PCDHA2: variants seen among roughly 807,000 people sequenced by gnomAD.
The protein encoded by PCDHA2 is protocadherin alpha 2.
In PCDHA2, 58 loss-of-function variants were observed where a neutral mutation model predicts 66.0. The observed-to-expected ratio is 0.88, with a 90% CI of 0.71 to 1.09. PCDHA2 has a LOEUF of 1.09. PCDHA2 is among the 50% of genes least tolerant of loss of function. PCDHA2 has a pLI of 0.00. For synonymous variants in PCDHA2, 634 were observed against 554.0 expected, an observed-to-expected ratio of 1.14 and a Z score of -2.03; for missense variants, 1,267 against 1,242.3, an observed-to-expected ratio of 1.02 and a Z score of -0.30.
chr5:140,856,499 T>A, intron 1 of PCDHA2: 1 of 1,598,458 alleles, frequency 6.3e-7, no homozygotes, highest in Non-Finnish European at 8.6e-7. Flanking sequence ...TGACTCTCGA[T>A]TTCCACTAGA....
intron 1 of PCDHA2, chr5:140,862,381 C>G (rs191367875): frequency 4.0e-5 from 14 of 346,954 alleles, no homozygotes; most frequent in Non-Finnish European, 7.4e-5. Flanking sequence ...TGACTCCTCA[C>G]GTCTCTTCAA....
At chr5:141,008,431 C>T (rs1192058423) in intron 3 of PCDHA2, among the ~76,000 whole-genome samples, 1 of 152,140 alleles carries the variant, frequency 6.6e-6, no homozygotes, top group Non-Finnish European at 1.5e-5. Flanking sequence ...GATCACTTTG[C>T]CCAGACAGAC....
At chr5:140,979,102 C>G in intron 2 of PCDHA2, 95 bp downstream of exon 2, 1 of 1,541,802 alleles carries the variant, frequency 6.5e-7, no homozygotes. Context: ...GCTGTCAAAA[C>G]TAAAAAGCTT....
chr5:140,795,054 G>T lies in PCDHA2; in HGVS notation c.90G>T (p.Gln30His). The T allele has an allele frequency of 6.2e-7, 1 of 1,613,894 alleles. No homozygotes were observed. Residue 30 changes from glutamine (Q) to histidine (H), a missense_variant, in exon 1 of 4, where the codon CAG becomes CAT. By Grantham distance (24) the Gln-to-His change is conservative (BLOSUM62 0). Transcript: ENST00000526136. ...CAGCCTGGGAGGTGGGGAGCGGCCA[G>T]CTCCGCTACTCCGTCCCCGAGGAGG... ...LLAAWEVGSG[Q>H]LRYSVPEEAK...
chr5:140,795,014 C>A lies in PCDHA2; in HGVS notation c.50C>A (p.Ser17Ter). 6.2e-7 allele frequency: 1 copy of A among 1,613,760 alleles called. No homozygotes were observed. ...CGAGGGGCCTGGACACGGCTGCTCT[C>A]GCTTCTGCTCCTCGCAGCCTGGGAG... ...RGRGAWTRLL[S>*]LLLLAAWEVG... is the part of the protein sequence containing the mutation. The change falls in exon 1 of 4, where the codon TCG (serine) becomes TAG (stop). Residue 17 changes from serine (S) to a stop codon, truncating the protein, a stop_gained. Transcript: ENST00000526136. LOFTEE classifies it high-confidence loss of function.
intron 1 of PCDHA2, among the ~76,000 whole-genome samples, chr5:140,955,964 A>G (rs148345661): frequency 5.3e-5 from 8 of 152,256 alleles, no homozygotes; most frequent in African/African-American, 1.7e-4. Flanking sequence ...TTGTTTGTGC[A>G]TAGGAATGCT....
intron 1 of PCDHA2, among the ~76,000 whole-genome samples, chr5:140,966,033 G>C (rs772770928): frequency 6.6e-6 from 1 of 152,138 alleles, no homozygotes; most frequent in African/African-American, 2.4e-5. Context: ...CAGGTGAATA[G>C]TTCCCATCGC....
intron 3 of PCDHA2, among the ~76,000 whole-genome samples, chr5:140,984,963 A>T (rs1390500469): frequency 1.3e-5 from 2 of 151,890 alleles, no homozygotes; most frequent in Non-Finnish European, 2.9e-5. Context: ...TTTGAGACAG[A>T]GTCTCGCTCT....
rs148067258 is a variant in PCDHA2 at position 140,850,948 on chromosome 5, G to A, written c.2388+53596G>A. The A allele has an allele frequency of 9.7e-3, 14,493 of 1,499,630 alleles. 1,246 individuals are homozygous for A. Among genetic ancestry groups the A allele is most frequent in the Non-Finnish European group, 0.01 (11,557 of 1,116,880 alleles). The allele number at this position is 1,499,630 out of a possible 1,614,324, so 92.9% of individuals were successfully genotyped here. On this transcript the variant is annotated intron_variant, in intron 1 of 3. Coordinates refer to ENST00000526136, the MANE Select transcript of PCDHA2 (RefSeq NM_018905.3). The stretch of plus-strand genomic sequence containing the variant: ...ATTTTTTTTCTTGAAAGATATTATC[G>A]ATTACTCCCAGGGGCCGTTCAAATA...
intron 1 of PCDHA2, chr5:140,968,302 G>C (rs2096236958): frequency 6.2e-7 from 1 of 1,613,812 alleles, no homozygotes; most frequent in African/African-American, 1.3e-5. Context: ...TGGAGAGGGA[G>C]ATTCAAGGGC....
chr5:140,809,511 G>C (rs374214403), intron 1 of PCDHA2: 1 of 1,614,228 alleles, frequency 6.2e-7, no homozygotes, highest in South Asian at 1.1e-5. Context: ...TTCAGCCCCA[G>C]TTTACCTGAC....
chr5:140,876,194 C>G (rs782432614), intron 1 of PCDHA2: 38 of 1,613,742 alleles, frequency 2.4e-5, no homozygotes, highest in Non-Finnish European at 2.9e-5. Context: ...AATGGTCCGG[C>G]GTTTGATAAG....
At chr5:140,820,121 A>G (rs937640428) in intron 1 of PCDHA2, among the ~76,000 whole-genome samples, 3 of 151,966 alleles carry the variant, frequency 2.0e-5, no homozygotes, top group African/African-American at 7.2e-5. Flanking sequence ...GTTTTTAACC[A>G]TTGTGTATTA....
chr5:140,883,954 T>A (rs2059908896), intron 1 of PCDHA2: 1 of 1,612,680 alleles, frequency 6.2e-7, no homozygotes, highest in Non-Finnish European at 8.5e-7. Flanking sequence ...ACGACAACGC[T>A]CCGGCGCTGC....
At chr5:140,836,549 G>C (rs2150263747) in intron 1 of PCDHA2, 1 of 1,613,770 alleles carries the variant, frequency 6.2e-7, no homozygotes, top group East Asian at 2.2e-5. Flanking sequence ...CGGCGTTGCG[G>C]TGCTCAGCGC....
intron 1 of PCDHA2, among the ~76,000 whole-genome samples, chr5:140,888,848 CAG>C (rs1554183676): frequency 6.6e-6 from 1 of 151,980 alleles, no homozygotes; most frequent in African/African-American, 2.4e-5. Context: ...AGCCTGGTGA[CAG>C]AGTGAGACCA....
At chr5:140,896,827 T>G (rs1193967071) in intron 1 of PCDHA2, among the ~76,000 whole-genome samples, 1 of 152,214 alleles carries the variant, frequency 6.6e-6, no homozygotes, top group African/African-American at 2.4e-5. Flanking sequence ...TGTTCATAGT[T>G]GTTTTTATTT....
chr5:140,992,798 CAT>C (rs1554253202), intron 3 of PCDHA2, among the ~76,000 whole-genome samples: 1 of 152,076 alleles, frequency 6.6e-6, no homozygotes, highest in African/African-American at 2.4e-5. Context: ...TTTATGGATC[CAT>C]ATGTATCTAA....
chr5:140,856,771 T>A, intron 1 of PCDHA2: 1 of 1,596,918 alleles, frequency 6.3e-7, no homozygotes, highest in Non-Finnish European at 8.6e-7. Flanking sequence ...CCCCTATCTT[T>A]GACAGACCGG....
Sources: allele counts gnomAD v4.1 joint callset (sites outside exome capture counted in the v4.1 genomes callset), GRCh38; gene constraint gnomAD v4.1.1; transcripts MANE v1.5; gene names NCBI Gene and HGNC (gene_info 2026-07-23, HGNC 2026-07-21).